The following MACROD2 variants were observed in gnomAD, a reference collection of about 807,000 sequenced individuals.
MACROD2 encodes mono-ADP ribosylhydrolase 2, also known as ADP-ribose glycohydrolase MACROD2.
Under a neutral mutation model 70.4 loss-of-function variants are expected in MACROD2, and 36 were observed. The ratio of observed to expected loss-of-function variants is 0.51; its 90% confidence interval spans 0.39 to 0.68. MACROD2 has a LOEUF of 0.68. MACROD2 is among the 30% of genes least tolerant of loss of function. The pLI is 0.00. For synonymous variants in MACROD2, 172 were observed against 178.8 expected (o/e 0.96, Z 0.30); for missense variants, 496 against 538.4 (o/e 0.92, Z 0.78).
chr20:14,729,727 C>G (rs1404211034), intron 5 of MACROD2, among the ~76,000 whole-genome samples: 1 of 151,942 alleles, frequency 6.6e-6, no homozygotes, highest in South Asian at 2.1e-4. Flanking sequence ...GGTACACACT[C>G]TCAATACAAA....
chr20:15,763,362 C>A (rs1305851859), intron 8 of MACROD2, among the ~76,000 whole-genome samples: 1 of 152,144 alleles, frequency 6.6e-6, no homozygotes, highest in Non-Finnish European at 1.5e-5. Flanking sequence ...AGCCTGCCAT[C>A]AAGTGGTATC....
chr20:15,172,393 T>C (rs2076429149), intron 5 of MACROD2, among the ~76,000 whole-genome samples: 1 of 152,148 alleles, frequency 6.6e-6, no homozygotes, highest in Non-Finnish European at 1.5e-5. Context: ...GGTAAATATT[T>C]CTTTCCTTCT....
intron 6 of MACROD2, among the ~76,000 whole-genome samples, chr20:15,379,722 T>TTA (rs1416689614): frequency 1.3e-5 from 2 of 152,194 alleles, no homozygotes; most frequent in Non-Finnish European, 2.9e-5. Flanking sequence ...TTTATTGAAT[T>TTA]TATGTAAGAG....
At chr20:14,490,546 A>T (rs1445627507) in intron 3 of MACROD2, among the ~76,000 whole-genome samples, 1 of 152,146 alleles carries the variant, frequency 6.6e-6, no homozygotes, top group African/African-American at 2.4e-5. Context: ...TATTTCAGGG[A>T]AATGTGAAGT....
At chr20:14,550,483 G>A (rs1235382176) in intron 4 of MACROD2, among the ~76,000 whole-genome samples, 4 of 152,080 alleles carry the variant, frequency 2.6e-5, no homozygotes, top group Non-Finnish European at 4.4e-5. Context: ...TCAGCCATGC[G>A]AGGTCACAGT....
intron 6 of MACROD2, among the ~76,000 whole-genome samples, chr20:15,344,735 T>A (rs1336681834): frequency 1.3e-5 from 2 of 152,280 alleles, no homozygotes; most frequent in African/African-American, 4.8e-5. Context: ...TTCTTGGTGT[T>A]AATGGATCCA....
chr20:15,285,272 A>C (rs2077480479), intron 6 of MACROD2, among the ~76,000 whole-genome samples: 1 of 152,178 alleles, frequency 6.6e-6, no homozygotes, highest in African/African-American at 2.4e-5. Context: ...GTCTAATAGA[A>C]ATGTAAGTGA....
At chr20:15,282,501 C>G (rs1425836085) in intron 6 of MACROD2, among the ~76,000 whole-genome samples, 1 of 152,158 alleles carries the variant, frequency 6.6e-6, no homozygotes, top group Non-Finnish European at 1.5e-5. Context: ...TTTCTTCTGC[C>G]AGATTCCCTA....
chr20:14,092,751 T>C (rs2054167895), intron 3 of MACROD2, among the ~76,000 whole-genome samples: 2 of 152,160 alleles, frequency 1.3e-5, no homozygotes, highest in South Asian at 4.1e-4. Context: ...GTGTGAAAAA[T>C]ACGTAGCACA....
chr20:15,972,584 C>T (rs558823048), intron 13 of MACROD2, among the ~76,000 whole-genome samples: 43 of 152,216 alleles, frequency 2.8e-4, no homozygotes, highest in African/African-American at 1.0e-3. Flanking sequence ...CTGAGTTGGG[C>T]AGATCACTTG....
intron 5 of MACROD2, among the ~76,000 whole-genome samples, chr20:14,749,908 C>G (rs542711698): frequency 6.6e-6 from 1 of 151,986 alleles, no homozygotes; most frequent in Non-Finnish European, 1.5e-5. Context: ...TGGTAATTAC[C>G]AGGGGCTAGG....
chr20:15,922,297 A>G (rs929416803), intron 10 of MACROD2, among the ~76,000 whole-genome samples: 1 of 151,046 alleles, frequency 6.6e-6, no homozygotes, highest in Non-Finnish European at 1.5e-5. Flanking sequence ...GTTGTTTTAC[A>G]TTTTTCAGAA....
chr20:16,020,165 G>T (rs1417291849), intron 15 of MACROD2, among the ~76,000 whole-genome samples: 3 of 152,208 alleles, frequency 2.0e-5, no homozygotes, highest in African/African-American at 4.8e-5. Context: ...GGTTCCTGTT[G>T]CCTCTCTGGC....
At chr20:14,677,634 G>A (rs58514606) in intron 4 of MACROD2, among the ~76,000 whole-genome samples, 1 of 152,136 alleles carries the variant, frequency 6.6e-6, no homozygotes, top group Non-Finnish European at 1.5e-5. Context: ...CCTCAGTCCT[G>A]ACGAAGAGCA....
intron 3 of MACROD2, among the ~76,000 whole-genome samples, chr20:14,251,874 A>G (rs1321520342): frequency 4.6e-5 from 7 of 152,090 alleles, no homozygotes; most frequent in African/African-American, 1.4e-4. Context: ...CCTTAAGACC[A>G]TGTATCTATT....
chr20:14,544,779 A>G (rs8183756), intron 4 of MACROD2, among the ~76,000 whole-genome samples: 4 of 152,214 alleles, frequency 2.6e-5, no homozygotes, highest in Admixed American at 2.6e-4. Flanking sequence ...TCAAGTGTAC[A>G]GAATTTCCCA....
chr20:15,842,494 A>G (rs2064182512), intron 8 of MACROD2, among the ~76,000 whole-genome samples: 1 of 146,508 alleles, frequency 6.8e-6, no homozygotes, highest in Non-Finnish European at 1.5e-5. Context: ...CCTCTGTAAG[A>G]CACCAAAGAA....
chr20:14,658,302 G>C (rs1384763297), intron 4 of MACROD2, among the ~76,000 whole-genome samples: 1 of 152,172 alleles, frequency 6.6e-6, no homozygotes, highest in East Asian at 1.9e-4. Flanking sequence ...CATAGCATGT[G>C]AAGCCCTTAA....
intron 8 of MACROD2, among the ~76,000 whole-genome samples, chr20:15,689,606 C>A (rs910511139): frequency 9.2e-5 from 14 of 152,080 alleles, no homozygotes; most frequent in Non-Finnish European, 1.5e-5. Context: ...AGTAAAATTT[C>A]TAAGATTGGA....
Sources: gnomAD v4.1 joint callset for allele counts (sites outside exome capture counted in the v4.1 genomes callset) on GRCh38, gnomAD v4.1.1 for gene constraint, MANE v1.5 for transcripts, NCBI Gene and HGNC (gene_info 2026-07-23, HGNC 2026-07-21) for gene names.